The following IFNAR1 variants were observed in gnomAD, a reference collection of about 807,000 sequenced individuals.
IFNAR1 encodes interferon alpha/beta receptor 1.
Under a neutral mutation model 62.1 loss-of-function variants are expected in IFNAR1, and 47 were observed. The ratio of observed to expected loss-of-function variants is 0.76; its 90% confidence interval spans 0.60 to 0.97. The LOEUF is 0.97. IFNAR1 is among the 50% of genes least tolerant of loss of function. IFNAR1 has a pLI of 0.00. For synonymous variants in IFNAR1, 219 were observed against 226.9 expected, an observed-to-expected ratio of 0.97 and a Z score of 0.31; for missense variants, 638 against 654.5, an observed-to-expected ratio of 0.97 and a Z score of 0.27.
At chr21:33,345,461 C>T in intron 6 of IFNAR1, 101 bp downstream of exon 6, 1 of 719,368 alleles carries the variant, frequency 1.4e-6, no homozygotes, top group South Asian at 1.6e-5. Context: ...GAATGACCGA[C>T]TGGGAGGTGG....
intron 1 of IFNAR1, among the ~76,000 whole-genome samples, chr21:33,331,473 G>A (rs1272319896): frequency 6.6e-6 from 1 of 152,176 alleles, no homozygotes. Context: ...GCTGAGCTGA[G>A]ACACCCTGTT....
intron 2 of IFNAR1, 116 bp from the exon 3 acceptor site, chr21:33,340,883 C>T (rs2083285885): frequency 1.5e-6 from 1 of 662,816 alleles, no homozygotes; most frequent in South Asian, 2.2e-5. Context: ...AGAAATAACT[C>T]TTAAACAAGA....
intron 8 of IFNAR1, 21 bp from the exon 9 acceptor site, chr21:33,352,737 T>C: frequency 7.4e-7 from 1 of 1,349,708 alleles, no homozygotes. Flanking sequence ...ATTTTATCAG[T>C]GATTTAATTA....
At position 33,359,271 on chromosome 21, in the gene IFNAR1, A is replaced by G. The variant is rs1318034047; in HGVS notation, c.*3722A>G. 2.0e-5 allele frequency: 3 copies of G among 152,204 alleles called. No individual in the cohort carries two copies. The highest frequency in any genetic ancestry group is 3.8e-4 in the East Asian group (2 of 5,202). The allele number at this position is 152,204 out of a possible 1,614,324, so 9.4% of individuals were successfully genotyped here. ...GTTTTGTCTTAAACCCTACTGCTGG[A>G]AACAATTTTATGTAATAAGCAATGG... is the stretch of plus-strand genomic sequence containing the variant. On this transcript the variant is annotated 3_prime_UTR_variant, in exon 11 of 11. Transcript: ENST00000270139.
intron 1 of IFNAR1, among the ~76,000 whole-genome samples, chr21:33,331,640 A>C (rs528333244): frequency 2.0e-5 from 3 of 152,194 alleles, no homozygotes; most frequent in African/African-American, 7.2e-5. Context: ...ACCATTTTGT[A>C]GTACTTGCTG....
chr21:33,349,191 GTTTTCCAAAAA>G lies in IFNAR1; in HGVS notation c.890_900del (p.Val297GlyfsTer11). ...TACCCAGTGTGTCTTTCCTCAAAAC[GTTTTCCAAAAA>G]GGAATTTACCTTCTCCGCGTACAAG... On this transcript the variant is annotated frameshift_variant, in exon 7 of 11. Coordinates refer to ENST00000270139, the MANE Select transcript of IFNAR1 (RefSeq NM_000629.3). LOFTEE classifies it high-confidence loss of function. The G allele has an allele frequency of 6.2e-7, 1 of 1,613,124 alleles. No individual in the cohort carries two copies. The highest frequency in any genetic ancestry group is 8.5e-7 in the Non-Finnish European group (1 of 1,179,370).
intron 6 of IFNAR1, among the ~76,000 whole-genome samples, chr21:33,348,329 G>C (rs1385206581): frequency 6.6e-6 from 1 of 152,148 alleles, no homozygotes; most frequent in African/African-American, 2.4e-5. Flanking sequence ...CAAGCCACCA[G>C]CCTGATGTCC....
chr21:33,335,339 A>C (rs565732598), intron 1 of IFNAR1, among the ~76,000 whole-genome samples, 185 bp from the exon 2 acceptor site: 1 of 152,344 alleles, frequency 6.6e-6, no homozygotes, highest in Non-Finnish European at 1.5e-5. Flanking sequence ...GCTCTCTCAG[A>C]TGCAGAAATG....
At chr21:33,343,751 C>T in intron 5 of IFNAR1, 75 bp downstream of exon 5, 1 of 941,262 alleles carries the variant, frequency 1.1e-6, no homozygotes, top group Non-Finnish European at 1.6e-6. Flanking sequence ...CCCCATATTG[C>T]TGAAGTTTAC....
intron 10 of IFNAR1, 56 bp from the exon 11 acceptor site, chr21:33,355,260 G>A: frequency 1.1e-6 from 1 of 886,184 alleles, no homozygotes; most frequent in East Asian, 2.7e-5. Context: ...AACTAGAAAA[G>A]GAATTTTTAT....
chr21:33,354,864 CTG>C (rs2083432609), intron 10 of IFNAR1, among the ~76,000 whole-genome samples: 1 of 152,040 alleles, frequency 6.6e-6, no homozygotes, highest in Non-Finnish European at 1.5e-5. Flanking sequence ...AATGTCATTC[CTG>C]TGTACTGTAA....
chr21:33,343,158 A>T (rs906752416), intron 3 of IFNAR1, 110 bp from the exon 4 acceptor site: 2 of 825,902 alleles, frequency 2.4e-6, no homozygotes, highest in Non-Finnish European at 3.9e-6. Context: ...GTATGCTCTT[A>T]ACTCCCAGAA....
intron 3 of IFNAR1, among the ~76,000 whole-genome samples, chr21:33,342,858 A>G (rs887437020): frequency 1.1e-4 from 17 of 150,078 alleles, no homozygotes; most frequent in Non-Finnish European, 7.4e-5. Flanking sequence ...CTCCGTCTCA[A>G]AAAAAAAAAA....
intron 1 of IFNAR1, among the ~76,000 whole-genome samples, chr21:33,327,604 G>A (rs1041429): frequency 0.12 from 18,237 of 152,126 alleles, 1,837 homozygotes; most frequent in African/African-American, 0.27. Flanking sequence ...ATTCCTGATT[G>A]TCCACTTGTA....
chr21:33,343,404 A>G lies in IFNAR1; in HGVS notation c.513A>G (p.Lys171=). 6.2e-7 allele frequency: 1 copy of G among 1,612,824 alleles called. No individual in the cohort carries two copies. Residue 171 remains lysine (K), a synonymous_variant, in exon 4 of 11, where the codon AAA becomes AAG. Transcript: ENST00000270139. ...LSFTYSLVIW[K]NSSGVEERIE... ...TTACATATAGCTTAGTTATCTGGAA[A>G]AACTCTTCAGGTGTAGAAGTAAGCA...
At chr21:33,343,159 AC>A (rs2083309806) in intron 3 of IFNAR1, 108 bp from the exon 4 acceptor site, 1 of 833,886 alleles carries the variant, frequency 1.2e-6, no homozygotes, top group Admixed American at 2.4e-5. Context: ...TATGCTCTTA[AC>A]TCCCAGAAGT....
At chr21:33,342,673 T>G (rs1051710364) in intron 3 of IFNAR1, among the ~76,000 whole-genome samples, 8 of 138,436 alleles carry the variant, frequency 5.8e-5, no homozygotes, top group Non-Finnish European at 1.1e-4. Flanking sequence ...TGAAACCCTG[T>G]CTCTACTAAA....
upstream of IFNAR1, chr21:33,324,913 G>A: frequency 3.0e-6 from 2 of 669,610 alleles, no homozygotes; most frequent in Admixed American, 2.4e-5. Context: ...CAGAAGAGGC[G>A]GCGCGTGCGT....
chr21:33,341,752 G>A (rs1451658075), intron 3 of IFNAR1, among the ~76,000 whole-genome samples: 2 of 152,056 alleles, frequency 1.3e-5, no homozygotes, highest in Non-Finnish European at 2.9e-5. Context: ...CACAATCACG[G>A]CTCACTACAG....
Sources: allele counts gnomAD v4.1 joint callset (sites outside exome capture counted in the v4.1 genomes callset), GRCh38; gene constraint gnomAD v4.1.1; transcripts MANE v1.5; gene names NCBI Gene and HGNC (gene_info 2026-07-23, HGNC 2026-07-21).